The following ROBO2 variants were observed in gnomAD, a reference collection of about 807,000 sequenced individuals.
The protein encoded by ROBO2 is roundabout guidance receptor 2.
In ROBO2, 53 loss-of-function variants were observed where a neutral mutation model predicts 160.8. The observed-to-expected ratio is 0.33, with a 90% confidence interval of 0.26 to 0.41. The LOEUF (loss-of-function observed/expected upper bound fraction) is 0.41, where lower values mean the gene tolerates loss of function less well. Among genes scored for constraint, ROBO2 ranks in the 10% least tolerant of loss-of-function variants. ROBO2 has a pLI of 1.00. For synonymous variants in ROBO2, 664 were observed against 611.7 expected (o/e 1.09, Z -1.26); for missense variants, 1,577 against 1,722.4 (o/e 0.92, Z 1.49).
At chr3:77,387,400 TC>T (rs1371388635) in intron 2 of ROBO2, among the ~76,000 whole-genome samples, 3 of 150,668 alleles carry the variant, frequency 2.0e-5, no homozygotes, top group African/African-American at 7.3e-5. Context: ...TCTAATGAAA[TC>T]CTAGGAGAAA....
intron 2 of ROBO2, among the ~76,000 whole-genome samples, chr3:77,126,782 CTTTTT>C (rs11365042): frequency 1.6e-5 from 1 of 62,626 alleles, no homozygotes; most frequent in Non-Finnish European, 2.8e-5. Context: ...TTTGAAACTT[CTTTTT>C]TTTTTTTTTT....
chr3:75,907,728 T>G (rs1946407695), intron 1 of ROBO2, among the ~76,000 whole-genome samples: 1 of 152,212 alleles, frequency 6.6e-6, no homozygotes, highest in South Asian at 2.1e-4. Flanking sequence ...AACTTTATTT[T>G]CTTCGAAGAA....
intron 2 of ROBO2, among the ~76,000 whole-genome samples, chr3:76,383,851 G>A (rs1298964548): frequency 6.6e-6 from 1 of 152,202 alleles, no homozygotes; most frequent in South Asian, 2.1e-4. Context: ...TGAACTCTAT[G>A]TAAGGTTACA....
intron 2 of ROBO2, among the ~76,000 whole-genome samples, chr3:77,296,998 G>A (rs1002297904): frequency 6.6e-6 from 1 of 152,082 alleles, no homozygotes; most frequent in East Asian, 1.9e-4. Flanking sequence ...TAAATGGACA[G>A]GATTTTTTGA....
At chr3:77,585,906 T>G (rs2094034491) in intron 16 of ROBO2, among the ~76,000 whole-genome samples, 1 of 152,092 alleles carries the variant, frequency 6.6e-6, no homozygotes, top group Non-Finnish European at 1.5e-5. Flanking sequence ...ACTCAAACTG[T>G]ATCACATTTC....
At chr3:77,517,005 G>C (rs2090089757) in intron 5 of ROBO2, among the ~76,000 whole-genome samples, 1 of 151,532 alleles carries the variant, frequency 6.6e-6, no homozygotes, top group Non-Finnish European at 1.5e-5. Flanking sequence ...TTTAAAGCAA[G>C]AGAGAACCAG....
At chr3:76,944,190 A>G (rs1205279443) in intron 2 of ROBO2, among the ~76,000 whole-genome samples, 1 of 152,160 alleles carries the variant, frequency 6.6e-6, no homozygotes, top group Non-Finnish European at 1.5e-5. Flanking sequence ...TGAGTCATTG[A>G]AAAAAACAAC....
intron 2 of ROBO2, among the ~76,000 whole-genome samples, chr3:77,347,167 G>T (rs932135751): frequency 6.6e-6 from 1 of 152,024 alleles, no homozygotes; most frequent in Non-Finnish European, 1.5e-5. Flanking sequence ...GTGACACAAG[G>T]AATCATGGAA....
chr3:76,516,997 A>G (rs920103462), intron 2 of ROBO2, among the ~76,000 whole-genome samples: 1 of 152,164 alleles, frequency 6.6e-6, no homozygotes, highest in Admixed American at 6.5e-5. Context: ...GAAATACAGG[A>G]TCCCTTTTAA....
At chr3:77,330,967 AT>A (rs1423111639) in intron 2 of ROBO2, among the ~76,000 whole-genome samples, 1 of 152,208 alleles carries the variant, frequency 6.6e-6, no homozygotes, top group Non-Finnish European at 1.5e-5. Flanking sequence ...GAAAAGGTAA[AT>A]CATATAGTAT....
chr3:76,020,588 G>A (rs2066545454), intron 2 of ROBO2, among the ~76,000 whole-genome samples: 1 of 151,324 alleles, frequency 6.6e-6, no homozygotes, highest in African/African-American at 2.4e-5. Flanking sequence ...TATAACATAG[G>A]GACCTTAGAA....
intron 2 of ROBO2, among the ~76,000 whole-genome samples, chr3:76,810,428 AATAAAG>A (rs72261192): frequency 0.23 from 34,168 of 151,822 alleles, 3,981 homozygotes; most frequent in South Asian, 0.32. Flanking sequence ...AGACATATGT[AATAAAG>A]ATAAACAGAG....
chr3:76,858,248 C>A (rs2070354146), intron 2 of ROBO2, among the ~76,000 whole-genome samples: 2 of 152,082 alleles, frequency 1.3e-5, no homozygotes, highest in Non-Finnish European at 2.9e-5. Flanking sequence ...TATCACAGTG[C>A]CAACATAAAA....
At chr3:77,599,723 ATAGTACT>A (rs1343847163) in intron 19 of ROBO2, among the ~76,000 whole-genome samples, 1 of 152,184 alleles carries the variant, frequency 6.6e-6, no homozygotes, top group South Asian at 2.1e-4. Context: ...TGTAATAAAA[ATAGTACT>A]TAGAATAATA....
intron 2 of ROBO2, among the ~76,000 whole-genome samples, chr3:76,571,755 T>A (rs2084969782): frequency 6.6e-6 from 1 of 152,150 alleles, no homozygotes; most frequent in African/African-American, 2.4e-5. Context: ...AGCTGATTTC[T>A]CCATTTTATG....
rs111473149 is a variant in ROBO2, at chr3:76,504,190, C to T, written c.109+566588C>T. Among the ~76,000 whole-genome samples the T allele has an allele frequency of 7.5e-3, 1,137 of 152,306 alleles. 10 individuals carry two copies. The highest frequency in any genetic ancestry group is 0.025 in the African/African-American group (1,053 of 41,570). ...TTACAATGTTTGGCCACTGAGAACA[C>T]TTTAAAAAATATATGTAAAATAGAG... On this transcript the variant is annotated intron_variant, in intron 2 of 26. Transcript: ENST00000487694.
chr3:75,935,439 G>A (rs1294050789), intron 1 of ROBO2, among the ~76,000 whole-genome samples: 1 of 152,064 alleles, frequency 6.6e-6, no homozygotes. Context: ...TTTGAGCCTA[G>A]GAGTTGGAGT....
rs533416496 is a variant in ROBO2 at position 76,453,253 on chromosome 3, G to T, written c.109+515651G>T. ...TTTTAGACATGAAGTCCTTGTCCAT[G>T]CCTATGTCCTGAATGGTAATGCCTA... On this transcript the variant is annotated intron_variant, in intron 2 of 26. Transcript: ENST00000487694. 6.6e-5 allele frequency among the ~76,000 whole-genome samples: 10 copies of T among 152,286 alleles called. 1 individual carries two copies. The highest frequency in any genetic ancestry group is 2.6e-4 in the Admixed American group (4 of 15,294).
intron 16 of ROBO2, among the ~76,000 whole-genome samples, chr3:77,585,631 A>G (rs2153681359): frequency 6.6e-6 from 1 of 152,224 alleles, no homozygotes; most frequent in East Asian, 1.9e-4. Flanking sequence ...GTACACACAC[A>G]CACACAAATC....
Sources: allele counts gnomAD v4.1 joint callset (sites outside exome capture counted in the v4.1 genomes callset), GRCh38; gene constraint gnomAD v4.1.1; transcripts MANE v1.5; gene names NCBI Gene and HGNC (gene_info 2026-07-23, HGNC 2026-07-21).